Variants in FMNL2 observed in about 807,000 individuals in gnomAD.
FMNL2 encodes formin like 2.
A neutral mutation model predicts 130.2 loss-of-function variants in FMNL2; 51 were observed. That is an observed-to-expected ratio of 0.39 (90% confidence interval 0.31 to 0.49). The LOEUF (loss-of-function observed/expected upper bound fraction) is 0.49, where lower values mean the gene tolerates loss of function less well. FMNL2 is among the 20% of genes least tolerant of loss of function. The pLI is 0.85. For missense variants in FMNL2, 977 were observed against 1,316.2 expected (o/e 0.74, Z 3.99); for synonymous variants, 465 against 467.1 (o/e 1.00, Z 0.06).
intron 9 of FMNL2, among the ~76,000 whole-genome samples, chr2:152,587,833 T>C (rs1477665266): frequency 6.6e-6 from 1 of 152,232 alleles, no homozygotes; most frequent in Non-Finnish European, 1.5e-5. Flanking sequence ...ATCAGACATA[T>C]GCCCTGCCTT....
chr2:152,370,380 C>T (rs1207164560), intron 1 of FMNL2, among the ~76,000 whole-genome samples: 1 of 152,172 alleles, frequency 6.6e-6, no homozygotes, highest in Non-Finnish European at 1.5e-5. Flanking sequence ...TGTTTCCTCC[C>T]AAAGGCCCCA....
chr2:152,392,295 T>C (rs1322100268), intron 1 of FMNL2, among the ~76,000 whole-genome samples: 3 of 152,124 alleles, frequency 2.0e-5, no homozygotes, highest in African/African-American at 7.2e-5. Flanking sequence ...AATTAAGACT[T>C]TGGGATTGAC....
chr2:152,566,872 C>T (rs1695870314), intron 6 of FMNL2, among the ~76,000 whole-genome samples: 1 of 152,012 alleles, frequency 6.6e-6, no homozygotes, highest in African/African-American at 2.4e-5. Flanking sequence ...TGAGTAAGAC[C>T]CAGAGGGGTG....
At chr2:152,549,445 T>C (rs1438271347) in intron 4 of FMNL2, among the ~76,000 whole-genome samples, 1 of 152,242 alleles carries the variant, frequency 6.6e-6, no homozygotes, top group East Asian at 1.9e-4. Flanking sequence ...GCTTTTACTG[T>C]AGTTCTCCAA....
rs79715761 is a variant in FMNL2 at position 152,508,871 on chromosome 2, T to C, written c.118-13072T>C. ...CGCCCATTTTCATCTCTGTCTTGCA[T>C]GCATGCTTGCTTTTTCCTTTTTCTT... On this transcript the variant is annotated intron_variant, in intron 1 of 25. Transcript: ENST00000288670. Among the ~76,000 whole-genome samples the C allele has an allele frequency of 7.4e-4, 112 of 152,292 alleles. 3 individuals carry two copies. In the East Asian group the frequency reaches 0.02, roughly 28 times the overall value.
rs1163993397 is a variant in FMNL2 at position 152,364,259 on chromosome 2, G to GTTTTTT, written c.117+28540_117+28541insTTTTTT. Reference sequence around the variant, plus strand: ...GTTTCACATCCGTTAGGAGGTTTGTGTGTTTTTTTTTTTTTTTTTTTTTTT... The same window carrying GTTTTTT: ...GTTTCACATCCGTTAGGAGGTTTGTGTTTTTTTGTTTTTTTTTTTTTTTTTTTTTTT... On this transcript the variant is annotated intron_variant, in intron 1 of 25. Transcript: ENST00000288670. Among the ~76,000 whole-genome samples, 226 of 100,708 alleles carry GTTTTTT rather than the reference G, an allele frequency of 2.2e-3. 8 individuals are homozygous for GTTTTTT. Among genetic ancestry groups the GTTTTTT allele is most frequent in the East Asian group, 0.019 (28 of 1,474 alleles). 66.1% of individuals were successfully genotyped at this position (100,708 alleles called of 152,430 possible). A position where few individuals can be genotyped will look rare whatever the true frequency, so the allele number is the denominator to read the frequency against.
intron 1 of FMNL2, among the ~76,000 whole-genome samples, chr2:152,357,644 G>A (rs926562105): frequency 6.7e-6 from 1 of 148,866 alleles, no homozygotes; most frequent in African/African-American, 2.5e-5. Flanking sequence ...TCAGTTTAAT[G>A]TATAACGATA....
In FMNL2 at chr2:152,628,314, A is replaced by C; in HGVS notation, c.2181A>C (p.Thr727=). Reference sequence around the variant, plus strand: ...CTGTCTTTAGATTTGACTTGAAGACACTGCCTGTGGACTTTGTGGAATGCT... The same window carrying C: ...CTGTCTTTAGATTTGACTTGAAGACCCTGCCTGTGGACTTTGTGGAATGCT... ...CKAIHVFDLK[T]LPVDFVECLM... Residue 727 remains threonine, a synonymous_variant, in exon 18 of 26, where the codon ACA becomes ACC. Coordinates refer to ENST00000288670, the MANE Select transcript of FMNL2 (RefSeq NM_052905.4). 6.2e-7 allele frequency: 1 copy of C among 1,614,032 alleles called. No homozygotes were observed.
intron 6 of FMNL2, among the ~76,000 whole-genome samples, chr2:152,568,452 A>G (rs1465895349): frequency 6.6e-6 from 1 of 151,904 alleles, no homozygotes; most frequent in African/African-American, 2.4e-5. Context: ...TGGCCTCCCA[A>G]AGTGCTGGGA....
At chr2:152,609,707 C>G (rs1466260563) in intron 10 of FMNL2, among the ~76,000 whole-genome samples, 1 of 151,712 alleles carries the variant, frequency 6.6e-6, no homozygotes. Context: ...TACACATCTT[C>G]CAAAGATATC....
intron 1 of FMNL2, among the ~76,000 whole-genome samples, chr2:152,467,186 T>G (rs1558886991): frequency 6.6e-6 from 1 of 152,176 alleles, no homozygotes; most frequent in East Asian, 1.9e-4. Flanking sequence ...GCTCTTTTTT[T>G]TCTGACAAGA....
At chr2:152,521,305 A>G (rs549329590) in intron 1 of FMNL2, among the ~76,000 whole-genome samples, 37 of 152,300 alleles carry the variant, frequency 2.4e-4, no homozygotes, top group African/African-American at 7.9e-4. Flanking sequence ...ACGAGTGCTG[A>G]TGTCTGGACA....
chr2:152,532,571 G>T (rs542908936), intron 2 of FMNL2, among the ~76,000 whole-genome samples: 8 of 150,558 alleles, frequency 5.3e-5, no homozygotes, highest in Non-Finnish European at 7.4e-5. Context: ...TGAAGGATCT[G>T]CTCTGTTCAA....
rs1467306283 is a variant in FMNL2, at chr2:152,575,076, A to T, written c.597-60A>T. On this transcript the variant is annotated intron_variant, in intron 6 of 25. Transcript: ENST00000288670. ...GTGAAGAGTAGTGTCTGTTAAGTGC[A>T]TGTGCCTATGCTAAGAAAGTAACCT... The T allele has an allele frequency of 1.1e-5, 11 of 982,820 alleles. No homozygotes were observed. The East Asian group carries it at 2.6e-4, about 23-fold the overall frequency. The allele number at this position is 982,820 out of a possible 1,614,324, so 60.9% of individuals were successfully genotyped here. A position where few individuals can be genotyped will look rare whatever the true frequency, so the allele number is the denominator to read the frequency against.
At chr2:152,366,701 C>T (rs1424329760) in intron 1 of FMNL2, among the ~76,000 whole-genome samples, 4 of 152,180 alleles carry the variant, frequency 2.6e-5, no homozygotes, top group Admixed American at 2.6e-4. Flanking sequence ...CACAGTGGCT[C>T]ACGTCTGAAA....
chr2:152,570,204 G>C (rs929923296), intron 6 of FMNL2, among the ~76,000 whole-genome samples: 1 of 152,144 alleles, frequency 6.6e-6, no homozygotes, highest in African/African-American at 2.4e-5. Context: ...TCTTAAGTCA[G>C]TTTTGTAATC....
intron 1 of FMNL2, among the ~76,000 whole-genome samples, chr2:152,344,624 C>T (rs886098042): frequency 6.6e-6 from 1 of 152,132 alleles, no homozygotes; most frequent in Non-Finnish European, 1.5e-5. Flanking sequence ...TGAGAAAATT[C>T]TATACATATG....
chr2:152,370,765 TATA>T lies in FMNL2; in HGVS notation c.117+35049_117+35051del, dbSNP rs532274802. 1.7e-3 allele frequency among the ~76,000 whole-genome samples: 263 copies of T among 152,334 alleles called. 1 individual carries two copies. The highest frequency in any genetic ancestry group is 4.4e-3 in the South Asian group (21 of 4,824). ...TGAGGATTGAGTTCATCAGGAAAGATATAATAGTTATCTCTTGTTGTGTAAACA... is the reference window on the plus strand; with the variant it reads ...TGAGGATTGAGTTCATCAGGAAAGATATAGTTATCTCTTGTTGTGTAAACA... On this transcript the variant is annotated intron_variant, in intron 1 of 25. Transcript: ENST00000288670.
chr2:152,615,514 A>G (rs142162093), intron 12 of FMNL2, among the ~76,000 whole-genome samples: 1,639 of 152,272 alleles, frequency 0.011, 19 homozygotes, highest in Non-Finnish European at 0.018. Flanking sequence ...GCTTTCTCAT[A>G]TATCCTGTTC....
Sources: allele counts gnomAD v4.1 joint callset (sites outside exome capture counted in the v4.1 genomes callset), GRCh38; gene constraint gnomAD v4.1.1; transcripts MANE v1.5; gene names NCBI Gene and HGNC (gene_info 2026-07-23, HGNC 2026-07-21).